The following CRACR2A variants were observed in gnomAD, a reference collection of about 807,000 sequenced individuals.
The protein encoded by CRACR2A is EF-hand calcium-binding domain-containing protein 4B.
Under a neutral mutation model 90.5 loss-of-function variants are expected in CRACR2A, and 79 were observed. The observed-to-expected ratio is 0.87, with a 90% CI of 0.73 to 1.05. CRACR2A has a LOEUF of 1.05. CRACR2A is among the 50% of genes least tolerant of loss of function. The probability of loss-of-function intolerance (pLI) is 0.00; values close to 1 mark genes in which losing one functional copy is unlikely to be tolerated. For missense variants in CRACR2A, 823 were observed against 897.2 expected (o/e 0.92, Z 1.06); for synonymous variants, 338 against 356.7 (o/e 0.95, Z 0.59).
intron 3 of CRACR2A, among the ~76,000 whole-genome samples, chr12:3,706,767 A>AT (rs965019480): frequency 1.9e-4 from 29 of 152,056 alleles, no homozygotes; most frequent in Admixed American, 1.0e-3. Flanking sequence ...CGCCCAGCTA[A>AT]TTTTTTTATC....
chr12:3,654,909 G>A (rs1944870175), intron 9 of CRACR2A, among the ~76,000 whole-genome samples: 1 of 152,056 alleles, frequency 6.6e-6, no homozygotes, highest in African/African-American at 2.4e-5. Context: ...AGCTTTTAAG[G>A]GTAGCCAGAA....
At chr12:3,646,137 C>G (rs988843154) in intron 11 of CRACR2A, among the ~76,000 whole-genome samples, 30 of 152,136 alleles carry the variant, frequency 2.0e-4, no homozygotes, top group African/African-American at 7.2e-4. Context: ...AAGGAGGAGT[C>G]TTTTTTCCAG....
chr12:3,659,595 AT>A lies in CRACR2A; in HGVS notation c.730del (p.Ile244SerfsTer10), dbSNP rs1944988210. The A allele has an allele frequency of 6.2e-7, 1 of 1,614,002 alleles. No homozygotes were observed. The highest frequency in any genetic ancestry group is 1.3e-5 in the African/African-American group (1 of 74,980). On this transcript the variant is annotated frameshift_variant, in exon 8 of 20. Coordinates refer to ENST00000440314, the MANE Select transcript of CRACR2A (RefSeq NM_001144958.2). LOFTEE classifies it high-confidence loss of function. The part of the protein sequence containing the change: ...QHLYEEMEQQ[I>X]KSEKEQFLLK... ...GAGAAACTGCTCCTTCTCACTTTTG[AT>A]TTGTTGTTCCATCTCCTCATAGAGA...
intron 19 of CRACR2A, 117 bp downstream of exon 19, chr12:3,616,837 A>T: frequency 1.3e-6 from 1 of 775,886 alleles, no homozygotes; most frequent in East Asian, 2.7e-5. Context: ...GGCTCTGGCC[A>T]ATAGGGAGGA....
intron 8 of CRACR2A, 60 bp from the exon 9 acceptor site, chr12:3,656,466 T>A (rs963851950): frequency 1.3e-6 from 2 of 1,547,072 alleles, no homozygotes; most frequent in Admixed American, 1.7e-5. Flanking sequence ...GGTTATAGAT[T>A]TTTTTTTTCC....
In CRACR2A at chr12:3,644,642, T is replaced by G. The variant is rs1439719156; in HGVS notation, c.1119-2A>C. The G allele has an allele frequency of 6.4e-6, 10 of 1,551,570 alleles. No homozygotes were observed. The highest frequency in any genetic ancestry group is 7.8e-6 in the Non-Finnish European group (9 of 1,146,898). On this transcript the variant is annotated splice_acceptor_variant, in intron 11 of 19. Transcript: ENST00000440314. LOFTEE classifies it high-confidence loss of function. ...TCCCGAAGGTGCTTGTTCCTTTCCCTGTGGATGGTAAAGGGGAATCTATTC... is the reference window on the plus strand; with the variant it reads ...TCCCGAAGGTGCTTGTTCCTTTCCCGGTGGATGGTAAAGGGGAATCTATTC...
chr12:3,751,400 G>T (rs4766169), intron 1 of CRACR2A, among the ~76,000 whole-genome samples: 4 of 152,164 alleles, frequency 2.6e-5, no homozygotes, highest in South Asian at 4.1e-4. Context: ...CCATACCCAG[G>T]TGCAGATGAC....
rs242011 is a variant in CRACR2A at position 3,685,628 on chromosome 12, T to A, written c.229-5279A>T. Reference sequence around the variant, plus strand: ...TTATACTAAGTGAAATAAGCCAGTCTCAAAAGGACAAATATTATATAAGTC... The same window carrying A: ...TTATACTAAGTGAAATAAGCCAGTCACAAAAGGACAAATATTATATAAGTC... On this transcript the variant is annotated intron_variant, in intron 4 of 19. Coordinates refer to ENST00000440314, the MANE Select transcript of CRACR2A (RefSeq NM_001144958.2). Among the ~76,000 whole-genome samples, 25 of 152,346 alleles carry A rather than the reference T, an allele frequency of 1.6e-4. No homozygotes were observed. The South Asian group carries it at 2.3e-3, about 14-fold the overall frequency.
intron 8 of CRACR2A, among the ~76,000 whole-genome samples, 189 bp from the exon 9 acceptor site, chr12:3,656,595 T>C (rs532237558): frequency 6.6e-6 from 1 of 152,174 alleles, no homozygotes; most frequent in Admixed American, 6.5e-5. Flanking sequence ...GAGACAGAGA[T>C]AGTGCAAGCG....
intron 2 of CRACR2A, chr12:3,729,110 G>A (rs241971): frequency 0.24 from 36,927 of 152,122 alleles, 4,626 homozygotes; most frequent in South Asian, 0.29. Context: ...CACCAGGCTT[G>A]TCACTCACAC....
At chr12:3,619,181 G>A (rs1407545211) in intron 18 of CRACR2A, 90 bp downstream of exon 18, 4 of 1,039,760 alleles carry the variant, frequency 3.8e-6, no homozygotes, top group Non-Finnish European at 5.6e-6. Context: ...GGCACTTCCA[G>A]AGAAAGTCCC....
At chr12:3,624,814 A>AGACT (rs1944224666) in intron 17 of CRACR2A, among the ~76,000 whole-genome samples, 2 of 152,266 alleles carry the variant, frequency 1.3e-5, no homozygotes, top group Non-Finnish European at 2.9e-5. Flanking sequence ...GACCTGCTGA[A>AGACT]GCAGAGACTG....
chr12:3,742,363 C>T (rs914633456), intron 1 of CRACR2A, among the ~76,000 whole-genome samples: 25 of 152,326 alleles, frequency 1.6e-4, no homozygotes, highest in African/African-American at 6.0e-4. Context: ...GTTCCGAATA[C>T]CATCTCCATC....
chr12:3,638,854 C>G (rs56414170), intron 13 of CRACR2A, among the ~76,000 whole-genome samples: 15 of 152,280 alleles, frequency 9.9e-5, no homozygotes, highest in African/African-American at 3.1e-4. Flanking sequence ...TGTGAAGAAA[C>G]GTGTCTCAGA....
intron 6 of CRACR2A, among the ~76,000 whole-genome samples, chr12:3,676,851 G>T (rs1004112127): frequency 6.6e-6 from 1 of 152,156 alleles, no homozygotes; most frequent in African/African-American, 2.4e-5. Context: ...GTCCACACCT[G>T]CCAGGTTCCT....
At position 3,638,109 on chromosome 12, in the gene CRACR2A, A is replaced by G. The variant is rs1944491107; in HGVS notation, c.1602+15T>C. On this transcript the variant is annotated intron_variant, in intron 14 of 19. Transcript: ENST00000440314. ...AGAAGTGATGTGCATGAACCAAGGTAGGCTGTGCCCTTACCTTACACAGGG... is the reference window on the plus strand; with the variant it reads ...AGAAGTGATGTGCATGAACCAAGGTGGGCTGTGCCCTTACCTTACACAGGG... 2 of 1,528,722 alleles carry G rather than the reference A, an allele frequency of 1.3e-6. No homozygotes were observed. The highest frequency in any genetic ancestry group is 1.8e-6 in the Non-Finnish European group (2 of 1,131,850). 94.7% of individuals were successfully genotyped at this position (1,528,722 alleles called of 1,614,324 possible). A position where few individuals can be genotyped will look rare whatever the true frequency, so the allele number is the denominator to read the frequency against.
intron 1 of CRACR2A, among the ~76,000 whole-genome samples, chr12:3,736,501 T>C (rs938795616): frequency 3.9e-5 from 6 of 151,922 alleles, no homozygotes; most frequent in African/African-American, 1.2e-4. Context: ...GAGAGAAAGA[T>C]CTGGTGTGCA....
rs1459563287 is a variant in CRACR2A at position 3,746,302 on chromosome 12, G to A, written c.-387+6713C>T. On this transcript the variant is annotated intron_variant, in intron 1 of 19. Coordinates refer to ENST00000440314, the MANE Select transcript of CRACR2A (RefSeq NM_001144958.2). The surrounding 1 kb of genome is among the most constrained non-coding windows in gnomAD (Gnocchi z 4.4). ...ATTAGGTTTAGATGAGGTCATGAGG[G>A]TGGGGCCCTCATGATGGGATTAGTG... Among the ~76,000 whole-genome samples, 3 of 151,890 alleles carry A rather than the reference G, an allele frequency of 2.0e-5. No homozygotes were observed. Among genetic ancestry groups the A allele is most frequent in the Non-Finnish European group, 4.4e-5 (3 of 67,954 alleles).
chr12:3,694,845 T>C (rs1189661336), intron 4 of CRACR2A, among the ~76,000 whole-genome samples: 3 of 152,052 alleles, frequency 2.0e-5, no homozygotes, highest in Admixed American at 6.6e-5. Context: ...CTTCAGAAAA[T>C]TAAGTAGACA....
Sources: gnomAD v4.1 joint callset for allele counts (sites outside exome capture counted in the v4.1 genomes callset) on GRCh38, gnomAD v4.1.1 for gene constraint, Gnocchi (gnomAD v3.1) non-coding constraint, MANE v1.5 for transcripts, NCBI Gene and HGNC (gene_info 2026-07-23, HGNC 2026-07-21) for gene names.